The following USP54 variants were observed in gnomAD, a reference collection of about 807,000 sequenced individuals.
USP54 encodes ubiquitin specific peptidase 54, also known as ubiquitin carboxyl-terminal hydrolase 54.
USP54 carries 87 observed loss-of-function variants against 170.5 expected under a neutral mutation model. The ratio of observed to expected loss-of-function variants is 0.51; its 90% CI spans 0.43 to 0.61. The LOEUF (loss-of-function observed/expected upper bound fraction) is 0.61, where lower values mean the gene tolerates loss of function less well. Among genes scored for constraint, USP54 ranks in the 20% least tolerant of loss-of-function variants. The pLI, the probability that USP54 is intolerant of heterozygous loss-of-function variation, is 0.00. For missense variants in USP54, 1,786 were observed against 2,047.8 expected, an observed-to-expected ratio of 0.87 and a Z score of 2.47; for synonymous variants, 655 against 742.8, an observed-to-expected ratio of 0.88 and a Z score of 1.92.
At chr10:73,589,870 A>C (rs1265206315) in intron 1 of USP54, among the ~76,000 whole-genome samples, 1 of 152,192 alleles carries the variant, frequency 6.6e-6, no homozygotes, top group African/African-American at 2.4e-5. Flanking sequence ...AGGGATGAGA[A>C]GGAATGAAAT....
chr10:73,556,580 G>A (rs12358564), intron 4 of USP54, among the ~76,000 whole-genome samples: 209 of 151,982 alleles, frequency 1.4e-3, no homozygotes, highest in Non-Finnish European at 2.3e-3. Flanking sequence ...TCCTGACCTC[G>A]TGATCCACCC....
chr10:73,566,125 GA>G (rs1257713925), intron 4 of USP54, among the ~76,000 whole-genome samples: 1 of 152,204 alleles, frequency 6.6e-6, no homozygotes, highest in African/African-American at 2.4e-5. Flanking sequence ...AGCTACTCGG[GA>G]GGATGAGGCA....
intron 1 of USP54, among the ~76,000 whole-genome samples, chr10:73,590,947 T>C (rs913436931): frequency 1.8e-4 from 28 of 151,906 alleles, no homozygotes; most frequent in African/African-American, 6.5e-4. Context: ...AAATTTAAAA[T>C]ACTAAATCCA....
chr10:73,523,749 A>T lies in USP54; in HGVS notation c.2196T>A (p.Gly732=). 6.2e-7 allele frequency: 1 copy of T among 1,610,810 alleles called. No individual in the cohort carries two copies. Among genetic ancestry groups the T allele is most frequent in the East Asian group, 2.2e-5 (1 of 44,870 alleles). ...GGWTKSQPFS[G]EEISSKSELD... is the part of the protein sequence containing the mutation. ...GTTCACTTTTAGAAGATATCTCCTC[A>T]CCTGTAATATAAGCAAGGGAGAAGT... The change falls in exon 17 of 24, where the codon GGT becomes GGA. Residue 732 remains glycine, a splice_region_variant and synonymous_variant. Transcript: ENST00000687698.
At chr10:73,534,473 C>T in intron 12 of USP54, 127 bp downstream of exon 12, 1 of 1,134,542 alleles carries the variant, frequency 8.8e-7, no homozygotes, top group Non-Finnish European at 1.2e-6. Context: ...TGGCCGCCCG[C>T]CTCGGCCTCC....
At position 73,575,584 on chromosome 10, in the gene USP54, G is replaced by A; in HGVS notation, c.75C>T (p.Thr25=). The A allele has an allele frequency of 1.9e-6, 3 of 1,614,012 alleles. No homozygotes were observed. Among genetic ancestry groups the A allele is most frequent in the Non-Finnish European group, 2.5e-6 (3 of 1,179,966 alleles). The part of the protein sequence containing the change: ...VQGMFAPRSS[T]SIAPSKGLSN... The stretch of plus-strand genomic sequence containing the variant: ...TGAGGCCTTTGCTGGGGGCTATGGA[G>A]GTTGAGCTTCGAGGTGCAAACATCC... Residue 25 remains threonine (T), a synonymous_variant, in exon 3 of 24, where the codon ACC becomes ACT. Transcript: ENST00000687698.
At chr10:73,522,145 G>A (rs907957647) in intron 17 of USP54, among the ~76,000 whole-genome samples, 1 of 152,130 alleles carries the variant, frequency 6.6e-6, no homozygotes, top group African/African-American at 2.4e-5. Flanking sequence ...CTTTTTGAGA[G>A]CAATGGGAAG....
chr10:73,501,647 A>G lies in USP54; in HGVS notation c.4312-809T>C, dbSNP rs543049811. Among the ~76,000 whole-genome samples the G allele has an allele frequency of 2.4e-4, 36 of 152,100 alleles. 2 individuals are homozygous for G. In the East Asian group the frequency reaches 3.7e-3, roughly 15 times the overall value. ...CAACAGCCTTCAATCTGCTTTTCCT[A>G]TCTCCCATCCACTCCTCCTTACTGT... On this transcript the variant is annotated intron_variant, in intron 22 of 23. Transcript: ENST00000687698.
At chr10:73,579,697 C>T (rs2076617226) in intron 1 of USP54, among the ~76,000 whole-genome samples, 1 of 151,806 alleles carries the variant, frequency 6.6e-6, no homozygotes, top group Admixed American at 6.6e-5. Flanking sequence ...GTGGAGGTTG[C>T]AGTAAGCTGG....
At position 73,498,381 on chromosome 10, in the gene USP54, T is replaced by C; in HGVS notation, c.*248A>G. Reference sequence around the variant, plus strand: ...ACCTCTGCCTCCCGGGTTCAAGCAATTCTCCTGCCTCAGCCTTCCGAGTAG... The same window carrying C: ...ACCTCTGCCTCCCGGGTTCAAGCAACTCTCCTGCCTCAGCCTTCCGAGTAG... On this transcript the variant is annotated 3_prime_UTR_variant, in exon 24 of 24. Transcript: ENST00000687698. 4.2e-6 allele frequency: 1 copy of C among 237,812 alleles called. No homozygotes were observed. Among genetic ancestry groups the C allele is most frequent in the Non-Finnish European group, 8.2e-6 (1 of 121,826 alleles). 14.7% of individuals were successfully genotyped at this position (237,812 alleles called of 1,614,324 possible).
At chr10:73,592,961 T>G (rs1329264860), upstream of USP54, among the ~76,000 whole-genome samples, 1 of 152,212 alleles carries the variant, frequency 6.6e-6, no homozygotes, top group Admixed American at 6.5e-5. Context: ...AGAGGTTCTG[T>G]GCCAAATAGA....
At chr10:73,535,329 G>A (rs2065008225) in intron 11 of USP54, among the ~76,000 whole-genome samples, 2 of 152,002 alleles carry the variant, frequency 1.3e-5, no homozygotes, top group African/African-American at 4.8e-5. Flanking sequence ...AGGACAAATG[G>A]GTATTTGACT....
chr10:73,603,672 C>T (rs546744181), intron 1 of USP54, among the ~76,000 whole-genome samples: 14 of 150,444 alleles, frequency 9.3e-5, no homozygotes, highest in African/African-American at 2.7e-4. Context: ...CACTTTAACC[C>T]GGGAGGCAGA....
Position 73,616,610 on chromosome 10 carries a change from C to T in USP54, c.-18+8957G>A, listed in dbSNP as rs1228656762. On this transcript the variant is annotated intron_variant, in intron 1 of 22. Coordinates refer to the USP54 transcript ENST00000339859. Reference sequence around the variant, plus strand: ...CCATGGCACACATTTATGTAACACGCCTGCACATCCTGCATGTGTATCCAG... The same window carrying T: ...CCATGGCACACATTTATGTAACACGTCTGCACATCCTGCATGTGTATCCAG... Among the ~76,000 whole-genome samples the T allele has an allele frequency of 2.7e-5, 4 of 149,884 alleles. 2 individuals are homozygous for T. The highest frequency in any genetic ancestry group is 1.0e-4 in the African/African-American group (4 of 39,362).
In USP54 at chr10:73,517,670, G is replaced by T; in HGVS notation, c.2756C>A (p.Ala919Asp). 1 of 1,614,168 alleles carries T rather than the reference G, an allele frequency of 6.2e-7. No individual in the cohort carries two copies. Among genetic ancestry groups the T allele is most frequent in the Non-Finnish European group, 8.5e-7 (1 of 1,180,034 alleles). ...LESGMDTEFG[A>D]SSFFHSPASC... ...AGCAGGTGAATGGAAGAAAGAACTG[G>T]CCCCAAACTCTGTATCCATGCCGGA... The change falls in exon 20 of 24, where the codon GCC becomes GAC. Residue 919 changes from alanine to aspartate, a missense_variant. Coordinates refer to ENST00000687698, the MANE Select transcript of USP54 (RefSeq NM_001391956.1).
intron 1 of USP54, among the ~76,000 whole-genome samples, chr10:73,602,599 C>T (rs543091660): frequency 4.0e-5 from 6 of 150,734 alleles, no homozygotes; most frequent in Admixed American, 1.3e-4. Flanking sequence ...TGGCTCATGC[C>T]TATAATCCCA....
intron 1 of USP54, among the ~76,000 whole-genome samples, chr10:73,576,627 T>C (rs1332809990): frequency 6.6e-6 from 1 of 151,916 alleles, no homozygotes; most frequent in African/African-American, 2.4e-5. Context: ...TTGATCTGGA[T>C]AGAAATAAAA....
chr10:73,551,103 C>CA (rs898068983), intron 4 of USP54, among the ~76,000 whole-genome samples: 4 of 151,844 alleles, frequency 2.6e-5, no homozygotes, highest in South Asian at 2.1e-4. Context: ...GACTCTGTCT[C>CA]AAAAAAAATA....
intron 5 of USP54, 129 bp downstream of exon 5, chr10:73,545,409 C>CAGAGAAAACTCCTAGTTCTAACTGT (rs1158445356): frequency 8.0e-7 from 1 of 1,249,624 alleles, no homozygotes. Flanking sequence ...CCTGAAAAAT[C>CAGAGAAAACTCCTAGTTCTAACTGT]AGAGAAAACT....
Sources: allele counts gnomAD v4.1 joint callset (sites outside exome capture counted in the v4.1 genomes callset), GRCh38; gene constraint gnomAD v4.1.1; transcripts MANE v1.5; gene names NCBI Gene and HGNC (gene_info 2026-07-23, HGNC 2026-07-21).